The following CCBE1 variants were observed in gnomAD, a reference collection of about 807,000 sequenced individuals.
CCBE1 encodes collagen and calcium-binding EGF domain-containing protein 1.
In CCBE1, 37 loss-of-function variants were observed where a neutral mutation model predicts 50.0. That is an observed-to-expected ratio of 0.74 (90% CI 0.57 to 0.97). The LOEUF (loss-of-function observed/expected upper bound fraction) is 0.97, where lower values mean the gene tolerates loss of function less well. Among genes scored for constraint, CCBE1 ranks in the 50% least tolerant of loss-of-function variants. CCBE1 has a pLI of 0.00. For synonymous variants in CCBE1, 234 were observed against 203.7 expected (o/e 1.15, Z -1.27); for missense variants, 538 against 523.8 (o/e 1.03, Z -0.26).
chr18:59,469,957 G>A (rs954811966), intron 3 of CCBE1, among the ~76,000 whole-genome samples: 15 of 152,170 alleles, frequency 9.9e-5, no homozygotes, highest in African/African-American at 3.6e-4. Context: ...CTGCTGTAGA[G>A]GCAGGTGACT....
chr18:59,687,989 T>C (rs1305728909), intron 2 of CCBE1, among the ~76,000 whole-genome samples: 3 of 152,164 alleles, frequency 2.0e-5, no homozygotes, highest in African/African-American at 7.2e-5. Flanking sequence ...TAATCACTGA[T>C]ATATTCTGCA....
At chr18:59,687,377 C>T (rs11152171) in intron 2 of CCBE1, among the ~76,000 whole-genome samples, 5,255 of 151,894 alleles carry the variant, frequency 0.035, 165 homozygotes, top group African/African-American at 0.082. Context: ...AACTTCATCT[C>T]CGTAGGATCC....
intron 2 of CCBE1, among the ~76,000 whole-genome samples, chr18:59,611,164 C>T (rs1450912283): frequency 2.0e-5 from 3 of 152,220 alleles, no homozygotes; most frequent in South Asian, 2.1e-4. Context: ...GTATGAGCAA[C>T]GCAGTCTTAA....
chr18:59,510,904 A>G (rs1214156581), intron 2 of CCBE1, among the ~76,000 whole-genome samples: 1 of 152,198 alleles, frequency 6.6e-6, no homozygotes, highest in Admixed American at 6.5e-5. Flanking sequence ...TCTTACTGTC[A>G]TCAGCTCCTG....
intron 2 of CCBE1, among the ~76,000 whole-genome samples, chr18:59,667,168 C>T (rs1413873672): frequency 6.6e-6 from 1 of 152,024 alleles, no homozygotes; most frequent in Non-Finnish European, 1.5e-5. Flanking sequence ...ACCCAGGAAG[C>T]TGGGGTGGGA....
At position 59,447,434 on chromosome 18, in the gene CCBE1, TTGAA is replaced by T. The variant is rs57187949; in HGVS notation, c.775+545_775+548del. The stretch of plus-strand genomic sequence containing the variant: ...CATGGGTAAATACATCTGTCAAAAT[TTGAA>T]TGGTAATTTAAATGAGTACATTACA... On this transcript the variant is annotated intron_variant, in intron 7 of 10. Transcript: ENST00000439986. Among the ~76,000 whole-genome samples the T allele has an allele frequency of 1.9e-3, 283 of 152,282 alleles. 7 individuals carry two copies. The East Asian group carries it at 0.051, about 28-fold the overall frequency.
At chr18:59,598,198 G>A (rs1460668749) in intron 2 of CCBE1, among the ~76,000 whole-genome samples, 1 of 152,152 alleles carries the variant, frequency 6.6e-6, no homozygotes, top group Admixed American at 6.5e-5. Flanking sequence ...AGTATCAAGG[G>A]AGTTTCAAAA....
intron 2 of CCBE1, among the ~76,000 whole-genome samples, chr18:59,684,600 G>A (rs190652610): frequency 4.2e-4 from 64 of 152,252 alleles, no homozygotes; most frequent in African/African-American, 1.3e-3. Context: ...TAAGAGCCTC[G>A]GGGTACCTCT....
chr18:59,559,126 T>C (rs1262153782), intron 2 of CCBE1, among the ~76,000 whole-genome samples: 1 of 152,202 alleles, frequency 6.6e-6, no homozygotes, highest in Non-Finnish European at 1.5e-5. Flanking sequence ...GCAGTGGTGC[T>C]GCTTGGATGA....
intron 2 of CCBE1, among the ~76,000 whole-genome samples, chr18:59,669,725 G>C (rs185587144): frequency 2.6e-5 from 4 of 152,186 alleles, no homozygotes; most frequent in East Asian, 1.9e-4. Context: ...ATCTCTCCCC[G>C]AACTTCCGGA....
intron 2 of CCBE1, among the ~76,000 whole-genome samples, chr18:59,540,031 T>C (rs1278791804): frequency 6.6e-6 from 1 of 152,212 alleles, no homozygotes; most frequent in East Asian, 1.9e-4. Context: ...GACTTGAAGA[T>C]CAGTGTATAA....
intron 2 of CCBE1, among the ~76,000 whole-genome samples, chr18:59,636,429 T>C (rs1392157603): frequency 6.6e-6 from 1 of 152,206 alleles, no homozygotes; most frequent in Non-Finnish European, 1.5e-5. Context: ...TTGTCCCAGA[T>C]CTAGGCATCT....
intron 2 of CCBE1, among the ~76,000 whole-genome samples, chr18:59,676,706 T>A (rs2054508593): frequency 6.6e-6 from 1 of 152,148 alleles, no homozygotes; most frequent in Non-Finnish European, 1.5e-5. Context: ...GTACAAGCAA[T>A]TTTAAGTACT....
At chr18:59,447,471 T>G (rs1445127588) in intron 7 of CCBE1, among the ~76,000 whole-genome samples, 1 of 152,218 alleles carries the variant, frequency 6.6e-6, no homozygotes, top group African/African-American at 2.4e-5. Flanking sequence ...ACATGTCATT[T>G]GTATGTCAAT....
At chr18:59,626,729 T>G (rs1347401699) in intron 2 of CCBE1, among the ~76,000 whole-genome samples, 1 of 152,244 alleles carries the variant, frequency 6.6e-6, no homozygotes, top group Non-Finnish European at 1.5e-5. Flanking sequence ...CCAGAATCCA[T>G]TCTCATCTAC....
intron 2 of CCBE1, among the ~76,000 whole-genome samples, chr18:59,527,388 T>G (rs561231460): frequency 6.6e-6 from 1 of 152,234 alleles, no homozygotes; most frequent in Non-Finnish European, 1.5e-5. Flanking sequence ...CCTACATGTG[T>G]CTTTGCACAG....
chr18:59,484,203 C>G (rs1409810675), intron 2 of CCBE1, among the ~76,000 whole-genome samples: 2 of 152,116 alleles, frequency 1.3e-5, no homozygotes, highest in Admixed American at 1.3e-4. Context: ...ATTCCTTACT[C>G]CATTACTTGA....
At chr18:59,537,598 C>A (rs1342904619) in intron 2 of CCBE1, among the ~76,000 whole-genome samples, 8 of 152,180 alleles carry the variant, frequency 5.3e-5, no homozygotes. Flanking sequence ...TTCATTAAAA[C>A]TCTTTTTCCT....
chr18:59,658,394 TATATATATATATATATATATATA>T (rs2054232183), intron 2 of CCBE1, among the ~76,000 whole-genome samples: 5 of 38,612 alleles, frequency 1.3e-4, no homozygotes, highest in African/African-American at 5.1e-4. Flanking sequence ...TATATATATA[TATATATATATATATATATATATA>T]AAGTTAGCTA....
Sources: allele counts gnomAD v4.1 joint callset (sites outside exome capture counted in the v4.1 genomes callset), GRCh38; gene constraint gnomAD v4.1.1; transcripts MANE v1.5; gene names NCBI Gene and HGNC (gene_info 2026-07-23, HGNC 2026-07-21).